Variants in SPMIP8 observed in about 807,000 individuals in gnomAD.
The protein encoded by SPMIP8 is testicular tissue protein Li 196.
the SPMIP8 span, chr16:57,985,456 G>C: frequency 6.2e-7 from 1 of 1,613,802 alleles, no homozygotes; most frequent in South Asian, 1.1e-5. Context: ...GACTCACCGC[G>C]CCCCTATCCC....
chr16:57,987,450 C>A, the SPMIP8 span: 1 of 1,583,844 alleles, frequency 6.3e-7, no homozygotes. Flanking sequence ...GGCTGACTCC[C>A]AGGCTGCCGG....
At chr16:57,987,521 C>T in the SPMIP8 span, 2 of 1,399,006 alleles carry the variant, frequency 1.4e-6, no homozygotes, top group Non-Finnish European at 1.9e-6. Context: ...AGCCATCTCC[C>T]CAGGAGTTCA....
At chr16:57,983,804 G>A in the SPMIP8 span, among the ~76,000 whole-genome samples, 2 of 152,076 alleles carry the variant, frequency 1.3e-5, no homozygotes, top group African/African-American at 4.8e-5. Flanking sequence ...GTAGAGATAG[G>A]GTTTCACCTT....
At chr16:57,987,393 C>T in the SPMIP8 span, 582 of 1,595,730 alleles carry the variant, frequency 3.6e-4, no homozygotes, top group Non-Finnish European at 4.9e-4. Flanking sequence ...CTTCTCTCCA[C>T]AGTCGTGTCA....
At chr16:57,983,059 A>G in the SPMIP8 span, among the ~76,000 whole-genome samples, 1 of 152,196 alleles carries the variant, frequency 6.6e-6, no homozygotes, top group Admixed American at 6.5e-5. Flanking sequence ...AGCAAATGGT[A>G]GCATATTGTA....
chr16:57,976,871 T>C, the SPMIP8 span, among the ~76,000 whole-genome samples: 1 of 152,198 alleles, frequency 6.6e-6, no homozygotes, highest in African/African-American at 2.4e-5. Context: ...AAATTCTCAC[T>C]AAAGTGTAAA....
chr16:57,977,861 A>G, the SPMIP8 span: 1 of 1,614,088 alleles, frequency 6.2e-7, no homozygotes, highest in East Asian at 2.2e-5. Flanking sequence ...ATGGCTCCAC[A>G]CATGTGTATG....
the SPMIP8 span, chr16:57,978,015 C>T: frequency 6.2e-7 from 1 of 1,614,062 alleles, no homozygotes; most frequent in Non-Finnish European, 8.5e-7. Context: ...TGAGCACTGC[C>T]AGTCCACCAC....
the SPMIP8 span, chr16:57,984,171 TG>T: frequency 1.2e-6 from 1 of 815,250 alleles, no homozygotes; most frequent in Non-Finnish European, 2.1e-6. Flanking sequence ...CCTGAAGTGC[TG>T]GGATTACAGG....
the SPMIP8 span, among the ~76,000 whole-genome samples, chr16:57,978,263 A>G: frequency 1.3e-5 from 2 of 152,108 alleles, no homozygotes; most frequent in Non-Finnish European, 2.9e-5. Flanking sequence ...AAGGCACAAA[A>G]AACACTTAGA....
chr16:57,985,428 G>A, the SPMIP8 span: 1 of 1,613,290 alleles, frequency 6.2e-7, no homozygotes, highest in African/African-American at 1.3e-5. Flanking sequence ...GGCGTGGGCA[G>A]GGCGTCCGTG....
chr16:57,983,557 T>C, the SPMIP8 span, among the ~76,000 whole-genome samples: 4 of 152,204 alleles, frequency 2.6e-5, no homozygotes, highest in African/African-American at 9.7e-5. Context: ...AGTTTTATTC[T>C]GTTGCAAAGG....
At chr16:57,987,361 G>T in the SPMIP8 span, 2 of 1,513,272 alleles carry the variant, frequency 1.3e-6, no homozygotes, top group Non-Finnish European at 1.8e-6. Context: ...AGGACACCCT[G>T]GAAACCCCCA....
At chr16:57,984,618 C>A in the SPMIP8 span, 4 of 1,550,450 alleles carry the variant, frequency 2.6e-6, no homozygotes, top group South Asian at 4.8e-5. Context: ...GCGGGCCTGA[C>A]CCCCGTGGCC....
At chr16:57,985,501 C>A in the SPMIP8 span, 1 of 1,613,232 alleles carries the variant, frequency 6.2e-7, no homozygotes. Context: ...AGCCAGAACC[C>A]CAGCCTGGAC....
At chr16:57,980,744 G>A in the SPMIP8 span, among the ~76,000 whole-genome samples, 7 of 152,180 alleles carry the variant, frequency 4.6e-5, no homozygotes, top group African/African-American at 1.7e-4. Flanking sequence ...ACCCAGGCTA[G>A]AGTGCAATGT....
chr16:57,984,199 C>T, the SPMIP8 span: 6 of 1,136,674 alleles, frequency 5.3e-6, no homozygotes, highest in Admixed American at 5.1e-5. Context: ...CCATCGTGCC[C>T]GGCCTCAAAA....
chr16:57,976,579 T>C, the SPMIP8 span: 1 of 1,614,174 alleles, frequency 6.2e-7, no homozygotes, highest in South Asian at 1.1e-5. Flanking sequence ...GAACTGAAAG[T>C]CCTTATAAGC....
the SPMIP8 span, among the ~76,000 whole-genome samples, chr16:57,977,049 C>T: frequency 6.6e-6 from 1 of 152,140 alleles, no homozygotes; most frequent in Non-Finnish European, 1.5e-5. Context: ...ATTATTCACC[C>T]AGAGGTATAC....
Sources: gnomAD v4.1 joint callset for allele counts (sites outside exome capture counted in the v4.1 genomes callset) on GRCh38, gnomAD v4.1.1 for gene constraint, MANE v1.5 for transcripts, NCBI Gene and HGNC (gene_info 2026-07-23, HGNC 2026-07-21) for gene names.